The following PCDHA2 variants were observed in gnomAD, a reference collection of about 807,000 sequenced individuals.
PCDHA2 encodes protocadherin alpha-2.
PCDHA2 carries 58 observed loss-of-function variants against 66.0 expected under a neutral mutation model. The ratio of observed to expected loss-of-function variants is 0.88; its 90% CI spans 0.71 to 1.09. The LOEUF is 1.09. Ranked by LOEUF, PCDHA2 falls within the 50% of genes least tolerant of loss-of-function variation. The pLI is 0.00. For missense variants in PCDHA2, 1,267 were observed against 1,242.3 expected (o/e 1.02, Z -0.30); for synonymous variants, 634 against 554.0 (o/e 1.14, Z -2.03).
Position 140,966,702 on chromosome 5 carries a change from G to A in PCDHA2, c.2389-12247G>A, listed in dbSNP as rs2153748522. On this transcript the variant is annotated intron_variant, in intron 1 of 3. Transcript: ENST00000526136. Reference sequence around the variant, plus strand: ...ACGAGCGGAGGCGGGGCCCGGGCGTGGGGCACGGCTGGGGAAGCTGCCGCC... The same window carrying A: ...ACGAGCGGAGGCGGGGCCCGGGCGTAGGGCACGGCTGGGGAAGCTGCCGCC... 3.7e-6 allele frequency: 5 copies of A among 1,367,880 alleles called. No homozygotes were observed. The South Asian group carries it at 6.9e-5, about 19-fold the overall frequency. 84.7% of individuals were successfully genotyped at this position (1,367,880 alleles called of 1,614,324 possible).
At chr5:140,821,568 C>T in intron 1 of PCDHA2, 1 of 542,252 alleles carries the variant, frequency 1.8e-6, no homozygotes, top group Admixed American at 3.6e-5. Context: ...CGCTGGACAC[C>T]GGAAGGTTTT....
At chr5:140,963,911 T>C (rs2095797811) in intron 1 of PCDHA2, among the ~76,000 whole-genome samples, 1 of 152,238 alleles carries the variant, frequency 6.6e-6, no homozygotes, top group African/African-American at 2.4e-5. Context: ...AAGTGAAGCT[T>C]AGGCTAAGTA....
intron 1 of PCDHA2, chr5:140,821,528 A>C: frequency 4.6e-6 from 2 of 434,586 alleles, no homozygotes; most frequent in Non-Finnish European, 8.0e-6. Flanking sequence ...AAAACAAAAT[A>C]AAACACTTAC....
chr5:140,842,962 C>T lies in PCDHA2; in HGVS notation c.2388+45610C>T, dbSNP rs1554139576. 1.9e-6 allele frequency: 3 copies of T among 1,594,834 alleles called. 1 individual carries two copies. The African/African-American group carries it at 4.0e-5, about 21-fold the overall frequency. On this transcript the variant is annotated intron_variant, in intron 1 of 3. Transcript: ENST00000526136. ...ACGCGGGCGTGCCGCCTCTGGGCAG[C>T]AACGTGACGCTGCAGGTGTTCGTGC...
intron 1 of PCDHA2, among the ~76,000 whole-genome samples, chr5:140,899,769 T>C (rs376898324): frequency 4.6e-4 from 70 of 152,316 alleles, no homozygotes; most frequent in African/African-American, 1.7e-3. Flanking sequence ...CAGTTCCTCC[T>C]TTTACCTCTG....
chr5:140,853,580 T>C, intron 1 of PCDHA2: 2 of 984,120 alleles, frequency 2.0e-6, no homozygotes, highest in Non-Finnish European at 2.4e-6. Flanking sequence ...TCACCCAATA[T>C]CTTAGACACT....
intron 1 of PCDHA2, chr5:140,968,321 A>G: frequency 6.2e-7 from 1 of 1,613,834 alleles, no homozygotes; most frequent in Non-Finnish European, 8.5e-7. Flanking sequence ...GCTGCCAGTC[A>G]CCTCCTATGT....
intron 1 of PCDHA2, among the ~76,000 whole-genome samples, chr5:140,954,134 A>G (rs1443838127): frequency 6.6e-6 from 1 of 152,194 alleles, no homozygotes; most frequent in Non-Finnish European, 1.5e-5. Flanking sequence ...TTATGGATGC[A>G]TAGTATTCCA....
At chr5:140,845,616 T>C (rs1554140941) in intron 1 of PCDHA2, among the ~76,000 whole-genome samples, 1 of 149,626 alleles carries the variant, frequency 6.7e-6, no homozygotes, top group Non-Finnish European at 1.5e-5. Flanking sequence ...TATTGTGGAT[T>C]CTGAAGCTCT....
chr5:140,856,448 G>GT (rs1562509895), intron 1 of PCDHA2: 1 of 1,598,390 alleles, frequency 6.3e-7, no homozygotes, highest in East Asian at 2.2e-5. Flanking sequence ...CAGGTTCTCC[G>GT]TAACAGAACA....
chr5:140,845,808 A>C (rs1780048238), intron 1 of PCDHA2, among the ~76,000 whole-genome samples: 1 of 149,776 alleles, frequency 6.7e-6, no homozygotes, highest in Non-Finnish European at 1.5e-5. Context: ...AGTGATAGGT[A>C]CATAATAAAA....
At position 140,966,633 on chromosome 5, in the gene PCDHA2, C is replaced by T. The variant is rs2096029445; in HGVS notation, c.2389-12316C>T. ...GGCCTACGGAGGGAGCGGCCCCAGG[C>T]GCTTTCTAGAGCGTGAGCGGTGGGG... On this transcript the variant is annotated intron_variant, in intron 1 of 3. Transcript: ENST00000526136. 9 of 1,005,684 alleles carry T rather than the reference C, an allele frequency of 8.9e-6. No homozygotes were observed. In the South Asian group the frequency reaches 1.6e-4, roughly 18 times the overall value. 62.3% of individuals were successfully genotyped at this position (1,005,684 alleles called of 1,614,324 possible).
intron 1 of PCDHA2, chr5:140,808,624 G>A: frequency 6.2e-7 from 1 of 1,613,680 alleles, no homozygotes; most frequent in Non-Finnish European, 8.5e-7. Flanking sequence ...CTGTGTCTGC[G>A]TGGGACGCGG....
rs2150365514 is a variant in PCDHA2 at position 140,843,720 on chromosome 5, G to C, written c.2388+46368G>C. 5.1e-6 allele frequency: 8 copies of C among 1,565,554 alleles called. 1 individual carries two copies. The South Asian group carries it at 9.0e-5, about 18-fold the overall frequency. ...AATGTTGATCATGGCCTCAAAGTAA[G>C]TCCATTTAAATTTAGAACTCATAAA... is the stretch of plus-strand genomic sequence containing the variant. On this transcript the variant is annotated intron_variant, in intron 1 of 3. Coordinates refer to ENST00000526136, the MANE Select transcript of PCDHA2 (RefSeq NM_018905.3).
intron 1 of PCDHA2, chr5:140,816,920 G>A (rs1453114177): frequency 3.9e-5 from 6 of 152,042 alleles, no homozygotes; most frequent in African/African-American, 1.2e-4. Context: ...TATAGATTCT[G>A]CTGAATCCTA....
At chr5:140,826,663 A>C (rs1554130616) in intron 1 of PCDHA2, among the ~76,000 whole-genome samples, 1 of 152,182 alleles carries the variant, frequency 6.6e-6, no homozygotes, top group Non-Finnish European at 1.5e-5. Flanking sequence ...TTGCAAGTAA[A>C]TTGTAGACGT....
intron 1 of PCDHA2, chr5:140,843,225 G>C: frequency 1.3e-6 from 2 of 1,596,120 alleles, no homozygotes; most frequent in Non-Finnish European, 1.7e-6. Context: ...AGCACCACTC[G>C]TGTCCTGGAC....
chr5:140,938,237 T>A (rs1287300526), intron 1 of PCDHA2, among the ~76,000 whole-genome samples: 1 of 152,208 alleles, frequency 6.6e-6, no homozygotes, highest in African/African-American at 2.4e-5. Context: ...TAGGCCACCA[T>A]GCCTGGTCTT....
chr5:140,931,136 C>T (rs2087318079), intron 1 of PCDHA2, among the ~76,000 whole-genome samples: 1 of 152,166 alleles, frequency 6.6e-6, no homozygotes, highest in African/African-American at 2.4e-5. Context: ...GTGATATTTG[C>T]AGTGGATACT....
Sources: allele counts gnomAD v4.1 joint callset (sites outside exome capture counted in the v4.1 genomes callset), GRCh38; gene constraint gnomAD v4.1.1; transcripts MANE v1.5; gene names NCBI Gene and HGNC (gene_info 2026-07-23, HGNC 2026-07-21).